Variants in FGD3 observed in about 807,000 individuals in gnomAD.
FGD3 encodes the protein FYVE, RhoGEF and PH domain containing 3.
FGD3 carries 45 observed loss-of-function variants against 71.8 expected under a neutral mutation model. That is an observed-to-expected ratio of 0.63 (90% CI 0.49 to 0.80). The LOEUF (loss-of-function observed/expected upper bound fraction) is 0.80, where lower values mean the gene tolerates loss of function less well. Among genes scored for constraint, FGD3 ranks in the 30% least tolerant of loss-of-function variants. The pLI, the probability that FGD3 is intolerant of heterozygous loss-of-function variation, is 0.00. For missense variants in FGD3, 844 were observed against 951.5 expected, an observed-to-expected ratio of 0.89 and a Z score of 1.49; for synonymous variants, 378 against 392.8, an observed-to-expected ratio of 0.96 and a Z score of 0.44.
At chr9:92,978,847 T>G (rs1306122754) in intron 3 of FGD3, among the ~76,000 whole-genome samples, 1 of 141,636 alleles carries the variant, frequency 7.1e-6, no homozygotes, top group Admixed American at 7.2e-5. Flanking sequence ...TTGCCCAGGC[T>G]CATCTCAAAC....
intron 3 of FGD3, among the ~76,000 whole-genome samples, chr9:92,990,241 C>T (rs1363910281): frequency 6.6e-6 from 1 of 152,006 alleles, no homozygotes; most frequent in Non-Finnish European, 1.5e-5. Context: ...AATTCAAGAC[C>T]AGCTTGAGCA....
chr9:92,953,268 A>G (rs1254386650), intron 1 of FGD3, among the ~76,000 whole-genome samples: 2 of 152,134 alleles, frequency 1.3e-5, no homozygotes, highest in African/African-American at 4.8e-5. Context: ...TTGTGTAAGT[A>G]TAGACACATC....
intron 1 of FGD3, among the ~76,000 whole-genome samples, chr9:92,959,364 G>A (rs1859126247): frequency 1.3e-5 from 2 of 151,884 alleles, no homozygotes; most frequent in Admixed American, 6.6e-5. Context: ...TCTTGAAATA[G>A]GGTAATTGGT....
At chr9:93,034,511 T>A (rs748556444) in intron 16 of FGD3, 30 bp from the exon 17 acceptor site, 1 of 1,585,284 alleles carries the variant, frequency 6.3e-7, no homozygotes, top group Admixed American at 1.7e-5. Flanking sequence ...CAGGGGAGAC[T>A]GCCCCTAACC....
intron 13 of FGD3, among the ~76,000 whole-genome samples, chr9:93,021,173 A>T (rs895828600): frequency 6.6e-6 from 1 of 152,090 alleles, no homozygotes; most frequent in Non-Finnish European, 1.5e-5. Flanking sequence ...CTGTGTTTGT[A>T]TTTCCCTCCC....
chr9:92,981,466 A>G (rs1373710239), intron 3 of FGD3, among the ~76,000 whole-genome samples: 1 of 152,064 alleles, frequency 6.6e-6, no homozygotes, highest in Non-Finnish European at 1.5e-5. Flanking sequence ...TATATGGTCT[A>G]TCCTGGAGAA....
In FGD3 at chr9:93,036,002, G is replaced by A. The variant is rs553279126; in HGVS notation, c.*413G>A. 5.2e-5 allele frequency: 9 copies of A among 172,372 alleles called. No individual in the cohort carries two copies. Among genetic ancestry groups the A allele is most frequent in the South Asian group, 1.7e-4 (1 of 5,986 alleles). 10.7% of individuals were successfully genotyped at this position (172,372 alleles called of 1,614,324 possible). ...CTGTCTACACCGTGTGAGCTGAATC[G>A]TGACTTGCTTCCCACCTCCTTTCTC... On this transcript the variant is annotated 3_prime_UTR_variant, in exon 18 of 18. Coordinates refer to ENST00000375482, the MANE Select transcript of FGD3 (RefSeq NM_001083536.2).
intron 1 of FGD3, among the ~76,000 whole-genome samples, chr9:92,970,329 A>G (rs1417345316): frequency 1.3e-5 from 2 of 152,240 alleles, no homozygotes; most frequent in East Asian, 3.9e-4. Context: ...AAAATAATCA[A>G]GAGAATCAGA....
intron 3 of FGD3, among the ~76,000 whole-genome samples, chr9:92,996,756 G>A (rs1384818495): frequency 1.3e-5 from 2 of 152,170 alleles, no homozygotes; most frequent in African/African-American, 4.8e-5. Context: ...TTCAGGAGCA[G>A]GTTGTTCAGT....
At chr9:92,959,552 A>G (rs1334600840) in intron 1 of FGD3, among the ~76,000 whole-genome samples, 1 of 151,850 alleles carries the variant, frequency 6.6e-6, no homozygotes, top group Non-Finnish European at 1.5e-5. Context: ...TGCAAATAAT[A>G]AAAACTTAGC....
intron 10 of FGD3, among the ~76,000 whole-genome samples, chr9:93,017,615 C>A (rs1007239824): frequency 6.6e-6 from 1 of 152,024 alleles, no homozygotes; most frequent in Non-Finnish European, 1.5e-5. Flanking sequence ...AGAAGTGACC[C>A]CATTTTCATT....
At chr9:92,991,825 G>A (rs988235337) in intron 3 of FGD3, among the ~76,000 whole-genome samples, 1 of 151,912 alleles carries the variant, frequency 6.6e-6, no homozygotes, top group Non-Finnish European at 1.5e-5. Context: ...TCTATATCTA[G>A]GTGCTCTAGT....
chr9:92,978,013 T>G (rs963665806), intron 3 of FGD3, among the ~76,000 whole-genome samples: 1 of 152,192 alleles, frequency 6.6e-6, no homozygotes. Flanking sequence ...CTGGGCGCGG[T>G]GGCTCACGCC....
intron 1 of FGD3, among the ~76,000 whole-genome samples, chr9:92,971,541 T>TTTTTC (rs201916658): frequency 1.6e-3 from 136 of 87,728 alleles, no homozygotes; most frequent in Non-Finnish European, 1.9e-3. Context: ...AAGGGTGGGA[T>TTTTTC]TTTTCTTTTC....
At position 93,003,409 on chromosome 9, in the gene FGD3, G is replaced by A. The variant is rs201243454; in HGVS notation, c.543+395G>A. ...CTCCCAAAGTCCTGGGATTACAGGC[G>A]TGAGCCACCACGCCCGTCCTAGAAA... On this transcript the variant is annotated intron_variant, in intron 4 of 17. Transcript: ENST00000375482. This position sits in a 1 kb window ranked among gnomAD's most constrained non-coding sequence, Gnocchi z 4.1. Among the ~76,000 whole-genome samples the A allele has an allele frequency of 5.9e-5, 9 of 152,270 alleles. No individual in the cohort carries two copies. The East Asian group carries it at 1.4e-3, about 23-fold the overall frequency.
chr9:92,976,104 T>C (rs999547069), intron 2 of FGD3, 104 bp from the exon 3 acceptor site: 22 of 665,486 alleles, frequency 3.3e-5, no homozygotes, highest in Admixed American at 2.4e-4. Flanking sequence ...AGGCTTTCGG[T>C]GGGGGGCGGA....
intron 15 of FGD3, among the ~76,000 whole-genome samples, chr9:93,030,776 G>C (rs1279745411): frequency 6.6e-6 from 1 of 152,040 alleles, no homozygotes; most frequent in Non-Finnish European, 1.5e-5. Flanking sequence ...ATGGGTGGGT[G>C]GGTAGAAGGA....
At chr9:92,986,410 T>C (rs1476980657) in intron 3 of FGD3, among the ~76,000 whole-genome samples, 1 of 152,162 alleles carries the variant, frequency 6.6e-6, no homozygotes, top group Non-Finnish European at 1.5e-5. Context: ...TGATGCATGT[T>C]GAGAGGGGTG....
intron 14 of FGD3, among the ~76,000 whole-genome samples, chr9:93,024,926 C>T (rs1862064077): frequency 6.6e-6 from 1 of 152,250 alleles, no homozygotes; most frequent in Non-Finnish European, 1.5e-5. Context: ...GAGCAAATGC[C>T]GCCTCTTGAG....
Sources: gnomAD v4.1 joint callset for allele counts (sites outside exome capture counted in the v4.1 genomes callset) on GRCh38, gnomAD v4.1.1 for gene constraint, Gnocchi (gnomAD v3.1) non-coding constraint, MANE v1.5 for transcripts, NCBI Gene and HGNC (gene_info 2026-07-23, HGNC 2026-07-21) for gene names.